The following FHAD1 variants were observed in gnomAD, a reference collection of about 807,000 sequenced individuals.
FHAD1 encodes the protein forkhead associated phosphopeptide binding domain 1.
A neutral mutation model predicts 191.3 loss-of-function variants in FHAD1; 146 were observed. The ratio of observed to expected loss-of-function variants is 0.76; its 90% CI spans 0.67 to 0.88. FHAD1 has a LOEUF of 0.88. Among genes scored for constraint, FHAD1 ranks in the 40% least tolerant of loss-of-function variants. The pLI is 0.00. For synonymous variants in FHAD1, 616 were observed against 672.3 expected (o/e 0.92, Z 1.29); for missense variants, 1,635 against 1,785.8 (o/e 0.92, Z 1.52).
intron 2 of FHAD1, among the ~76,000 whole-genome samples, chr1:15,269,915 C>CTCT (rs1655171869): frequency 8.1e-6 from 1 of 123,088 alleles, no homozygotes; most frequent in African/African-American, 3.0e-5. Flanking sequence ...TTATGGCTCT[C>CTCT]TTTTTTTTTT....
At chr1:15,251,688 T>C in intron 1 of FHAD1, 83 bp from the exon 2 acceptor site, 1 of 1,080,458 alleles carries the variant, frequency 9.3e-7, no homozygotes, top group Non-Finnish European at 1.3e-6. Flanking sequence ...TCTGTGGTTA[T>C]TTCATTCATT....
At chr1:15,263,666 C>T (rs1652131457) in intron 2 of FHAD1, among the ~76,000 whole-genome samples, 1 of 151,930 alleles carries the variant, frequency 6.6e-6, no homozygotes, top group Non-Finnish European at 1.5e-5. Flanking sequence ...GGACTACAGG[C>T]ACCTGCCACC....
At chr1:15,249,000 T>C (rs1646439311) in intron 1 of FHAD1, among the ~76,000 whole-genome samples, 2 of 152,110 alleles carry the variant, frequency 1.3e-5, no homozygotes, top group African/African-American at 4.8e-5. Flanking sequence ...TGGAACAAAA[T>C]CTGTCAGTGT....
chr1:15,237,666 G>T (rs1303084928), intron 1 of FHAD1, among the ~76,000 whole-genome samples: 1 of 152,158 alleles, frequency 6.6e-6, no homozygotes, highest in Non-Finnish European at 1.5e-5. Context: ...CAATCTTTGA[G>T]ACTTAAGTTT....
In FHAD1 at chr1:15,346,868, T is replaced by C. The variant is rs147471557; in HGVS notation, c.2346+1345T>C. Among the ~76,000 whole-genome samples the C allele has an allele frequency of 2.2e-3, 331 of 152,298 alleles. 8 individuals are homozygous for C. In the East Asian group the frequency reaches 0.043, roughly 20 times the overall value. On this transcript the variant is annotated intron_variant, in intron 18 of 33. Coordinates refer to ENST00000688493, the MANE Select transcript of FHAD1 (RefSeq NM_001391957.1). ...GAAGGGGCGGCTGTGGGCTCAGATC[T>C]AGTGTATAATGGAGGGCCTGGCCTG...
chr1:15,308,935 T>A (rs918498344), intron 7 of FHAD1, among the ~76,000 whole-genome samples, 199 bp downstream of exon 7: 1 of 152,214 alleles, frequency 6.6e-6, no homozygotes, highest in Non-Finnish European at 1.5e-5. Context: ...ATCCAGTTCC[T>A]AGCATAGGGC....
chr1:15,291,583 C>T (rs1373516707), intron 4 of FHAD1, among the ~76,000 whole-genome samples: 1 of 152,068 alleles, frequency 6.6e-6, no homozygotes. Context: ...TATTAGTTAC[C>T]AATTTATAAC....
Position 15,327,182 on chromosome 1 carries a change from CTCT to C in FHAD1, c.1557+52_1557+54del, listed in dbSNP as rs762257720. 231 of 1,334,450 alleles carry C rather than the reference CTCT, an allele frequency of 1.7e-4. No homozygotes were observed. The highest frequency in any genetic ancestry group is 2.3e-4 in the South Asian group (18 of 78,484). The allele number at this position is 1,334,450 out of a possible 1,614,324, so 82.7% of individuals were successfully genotyped here. On this transcript the variant is annotated intron_variant, in intron 12 of 33. Coordinates refer to ENST00000688493, the MANE Select transcript of FHAD1 (RefSeq NM_001391957.1). This position sits in a 1 kb window ranked among gnomAD's most constrained non-coding sequence, Gnocchi z 5.1. ...CCTGCCACGTGGCTCCTTCACTTTC[CTCT>C]TCTTCTTCTTCGTGGATCTGGATTC... is the stretch of plus-strand genomic sequence containing the variant.
intron 7 of FHAD1, 40 bp downstream of exon 7, chr1:15,308,776 C>T (rs1017606148): frequency 6.4e-7 from 1 of 1,550,496 alleles, no homozygotes; most frequent in East Asian, 2.4e-5. Flanking sequence ...GCCACTCCCG[C>T]ACCCGTTGTT....
At chr1:15,333,919 A>G (rs1026515252) in intron 14 of FHAD1, among the ~76,000 whole-genome samples, 1 of 131,612 alleles carries the variant, frequency 7.6e-6, no homozygotes. Context: ...TGCAATCTCC[A>G]TCTCCCAGGC....
chr1:15,369,850 T>C (rs936631183), intron 26 of FHAD1, among the ~76,000 whole-genome samples: 3 of 152,242 alleles, frequency 2.0e-5, no homozygotes, highest in Non-Finnish European at 4.4e-5. Flanking sequence ...GGGAGGTCAC[T>C]GTACACCAGT....
chr1:15,362,615 C>T, intron 22 of FHAD1, 27 bp from the exon 23 acceptor site: 1 of 1,532,114 alleles, frequency 6.5e-7, no homozygotes, highest in Non-Finnish European at 8.9e-7. Flanking sequence ...TTTCCTCTCA[C>T]AATGATCACA....
rs533451810 is a variant in FHAD1 at position 15,393,425 on chromosome 1, C to T, written c.4323+2162C>T. Among the ~76,000 whole-genome samples, 15 of 129,530 alleles carry T rather than the reference C, an allele frequency of 1.2e-4. No individual in the cohort carries two copies. The South Asian group carries it at 1.2e-3, about 10-fold the overall frequency. The allele number at this position is 129,530 out of a possible 152,430, so 85.0% of individuals were successfully genotyped here. A position where few individuals can be genotyped will look rare whatever the true frequency, so the allele number is the denominator to read the frequency against. ...ATCTACATAGATGTGGACACACACA[C>T]ACACGCACACACACACACACACACA... On this transcript the variant is annotated intron_variant, in intron 33 of 33. Coordinates refer to ENST00000688493, the MANE Select transcript of FHAD1 (RefSeq NM_001391957.1).
At chr1:15,365,548 C>G (rs1242750061) in intron 23 of FHAD1, among the ~76,000 whole-genome samples, 2 of 145,846 alleles carry the variant, frequency 1.4e-5, no homozygotes, top group Non-Finnish European at 3.0e-5. Context: ...GTCTCGAACT[C>G]CTGAGCTCAA....
At chr1:15,320,039 G>C (rs1675762985) in intron 10 of FHAD1, among the ~76,000 whole-genome samples, 1 of 152,162 alleles carries the variant, frequency 6.6e-6, no homozygotes, top group South Asian at 2.1e-4. Flanking sequence ...ACAAGTCTTA[G>C]TACGTAGTAT....
intron 31 of FHAD1, among the ~76,000 whole-genome samples, chr1:15,386,191 G>A (rs1702046589): frequency 1.3e-5 from 2 of 152,224 alleles, no homozygotes; most frequent in South Asian, 4.1e-4. Flanking sequence ...GTTAAATGGT[G>A]TGATGCCAGC....
chr1:15,274,487 C>T (rs2101385902), intron 3 of FHAD1, among the ~76,000 whole-genome samples: 1 of 152,076 alleles, frequency 6.6e-6, no homozygotes. Context: ...TGGCGGGCGC[C>T]TGTAGTCCCA....
At chr1:15,401,843 G>A (rs538846343), downstream of FHAD1, among the ~76,000 whole-genome samples, 17 of 152,302 alleles carry the variant, frequency 1.1e-4, no homozygotes, top group East Asian at 3.9e-4. Flanking sequence ...CCTCATTTCC[G>A]TCAGGTGCAC....
intron 3 of FHAD1, among the ~76,000 whole-genome samples, chr1:15,285,893 T>C (rs1256375623): frequency 1.3e-5 from 2 of 152,228 alleles, no homozygotes; most frequent in Non-Finnish European, 2.9e-5. Context: ...TTCTGACACA[T>C]GCTACAACAT....
Sources: gnomAD v4.1 joint callset for allele counts (sites outside exome capture counted in the v4.1 genomes callset) on GRCh38, gnomAD v4.1.1 for gene constraint, Gnocchi (gnomAD v3.1) non-coding constraint, MANE v1.5 for transcripts, NCBI Gene and HGNC (gene_info 2026-07-23, HGNC 2026-07-21) for gene names.